The following EIF2AK4 variants were observed in gnomAD, a reference collection of about 807,000 sequenced individuals.
EIF2AK4 encodes the protein eIF-2-alpha kinase GCN2.
A neutral mutation model predicts 211.1 loss-of-function variants in EIF2AK4; 139 were observed. The observed-to-expected ratio is 0.66, with a 90% CI of 0.57 to 0.76. The LOEUF (loss-of-function observed/expected upper bound fraction) is 0.76. Among genes scored for constraint, EIF2AK4 ranks in the 30% least tolerant of loss-of-function variants. EIF2AK4 has a pLI of 0.00. For missense variants in EIF2AK4, 1,664 were observed against 2,043.8 expected, an observed-to-expected ratio of 0.81 and a Z score of 3.58; for synonymous variants, 710 against 751.3, an observed-to-expected ratio of 0.94 and a Z score of 0.90.
In EIF2AK4 at chr15:40,008,189, A is replaced by T. The variant is rs781645754; in HGVS notation, c.3570A>T (p.Ala1190=). 3 of 1,596,250 alleles carry T rather than the reference A, an allele frequency of 1.9e-6. No homozygotes were observed. The highest frequency in any genetic ancestry group is 2.3e-5 in the South Asian group (2 of 87,196). ...ATGAAATCATCCAAGAGTTTCCAGC[A>T]CTTCAGGTTCCTTTCCATATTTTAA... is the stretch of plus-strand genomic sequence containing the variant. ...TIYEIIQEFP[A]LQERNYSIYL... is the part of the protein sequence containing the mutation. The change falls in exon 25 of 39, where the codon GCA becomes GCT. Residue 1190 remains alanine (A), a synonymous_variant. Transcript: ENST00000263791.
intron 3 of EIF2AK4, among the ~76,000 whole-genome samples, chr15:39,944,592 C>A (rs1057331591): frequency 6.6e-6 from 1 of 152,044 alleles, no homozygotes; most frequent in African/African-American, 2.4e-5. Context: ...CCACCATGCC[C>A]GGCTAATTTT....
intron 17 of EIF2AK4, 134 bp from the exon 18 acceptor site, chr15:39,992,635 G>A (rs1390926817): frequency 2.8e-6 from 2 of 713,922 alleles, no homozygotes; most frequent in Non-Finnish European, 2.5e-6. Flanking sequence ...TACAATGCAT[G>A]CTCTGCTTCC....
chr15:39,990,913 G>A (rs546458611), intron 16 of EIF2AK4, among the ~76,000 whole-genome samples: 2 of 152,222 alleles, frequency 1.3e-5, no homozygotes, highest in African/African-American at 2.4e-5. Context: ...CAGAGGCCCC[G>A]GGGTAAGCAG....
chr15:39,985,779 G>C (rs761253474), intron 13 of EIF2AK4, 26 bp from the exon 14 acceptor site: 1 of 1,613,110 alleles, frequency 6.2e-7, no homozygotes, highest in Non-Finnish European at 8.5e-7. Context: ...TCCATTTTGA[G>C]TTATTGTGTG....
chr15:40,022,681 C>T lies in EIF2AK4; in HGVS notation c.4389+76C>T, dbSNP rs190548794. 3.9e-3 allele frequency: 5,144 copies of T among 1,332,038 alleles called. 18 individuals are homozygous for T. Among genetic ancestry groups the T allele is most frequent in the Non-Finnish European group, 5.0e-3 (4,663 of 932,196 alleles). 82.5% of individuals were successfully genotyped at this position (1,332,038 alleles called of 1,614,324 possible). A position where few individuals can be genotyped will look rare whatever the true frequency, so the allele number is the denominator to read the frequency against. ...GAGCACCTGCCTTCACACTGAGGCC[C>T]GGGCCGTGTAGGTGACTGGAAATCC... On this transcript the variant is annotated intron_variant, in intron 32 of 38. Transcript: ENST00000263791.
intron 32 of EIF2AK4, among the ~76,000 whole-genome samples, chr15:40,023,547 C>A (rs2035422987): frequency 6.6e-6 from 1 of 152,176 alleles, no homozygotes; most frequent in Non-Finnish European, 1.5e-5. Context: ...TTTCCCGGAA[C>A]TTTTCCATTT....
chr15:39,960,005 T>C (rs1181085237), intron 6 of EIF2AK4, among the ~76,000 whole-genome samples: 1 of 151,534 alleles, frequency 6.6e-6, no homozygotes, highest in African/African-American at 2.4e-5. Flanking sequence ...CTACTAAAAA[T>C]ACAAAAAAAT....
intron 1 of EIF2AK4, among the ~76,000 whole-genome samples, chr15:39,936,183 A>G (rs540600481): frequency 1.3e-5 from 2 of 152,356 alleles, no homozygotes; most frequent in African/African-American, 4.8e-5. Context: ...GGCTTTCATA[A>G]CAAGATGGAA....
At chr15:39,934,415 C>T (rs989353114) in intron 1 of EIF2AK4, 76 bp downstream of exon 1, 17 of 1,501,394 alleles carry the variant, frequency 1.1e-5, no homozygotes, top group Non-Finnish European at 1.5e-5. Flanking sequence ...CCGGACACTT[C>T]CAGATTGGGC....
intron 4 of EIF2AK4, among the ~76,000 whole-genome samples, chr15:39,949,619 A>G (rs1399772463): frequency 6.6e-6 from 1 of 152,232 alleles, no homozygotes; most frequent in African/African-American, 2.4e-5. Context: ...TCATGCCCAA[A>G]TGAGTAGCAA....
Position 39,934,213 on chromosome 15 carries a change from G to A in EIF2AK4, c.18G>A (p.Gly6=). ...GCGCTGCCATGGCTGGGGGCCGTGGGGCCCCCGGGCGCGGCCGGGACGAGC... is the reference window on the plus strand; with the variant it reads ...GCGCTGCCATGGCTGGGGGCCGTGGAGCCCCCGGGCGCGGCCGGGACGAGC... The part of the protein sequence containing the change: MAGGR[G]APGRGRDEPP... Residue 6 remains glycine (G), a synonymous_variant, in exon 1 of 39, where the codon GGG becomes GGA. Coordinates refer to ENST00000263791, the MANE Select transcript of EIF2AK4 (RefSeq NM_001013703.4). 2.5e-6 allele frequency: 4 copies of A among 1,580,796 alleles called. No homozygotes were observed. Among genetic ancestry groups the A allele is most frequent in the Non-Finnish European group, 3.4e-6 (4 of 1,164,896 alleles).
In EIF2AK4 at chr15:39,964,203, C is replaced by G. The variant is rs1595550738; in HGVS notation, c.860-1483C>G. On this transcript the variant is annotated intron_variant, in intron 7 of 38. Transcript: ENST00000263791. ...AGTGAGCTAGTTCAGCCATATTTTT[C>G]CAAAGTATTTTTGCTGAGACATCTT... 2.0e-5 allele frequency among the ~76,000 whole-genome samples: 3 copies of G among 152,230 alleles called. 1 individual carries two copies. In the South Asian group the frequency reaches 6.2e-4, roughly 32 times the overall value.
rs774146652 is a variant in EIF2AK4 at position 39,961,837 on chromosome 15, A to G, written c.797A>G (p.Glu266Gly). 3 of 1,614,180 alleles carry G rather than the reference A, an allele frequency of 1.9e-6. 1 individual carries two copies. The South Asian group carries it at 3.3e-5, about 18-fold the overall frequency. The change falls in exon 7 of 39, where the codon GAA becomes GGA. Residue 266 changes from glutamate (E) to glycine (G), a missense_variant. Physicochemically the swap from Glu to Gly is moderately conservative, Grantham distance 98. This residue lies in a region of EIF2AK4 where 641 missense variants were observed against 729.6 expected (regional missense o/e 0.88). Coordinates refer to ENST00000263791, the MANE Select transcript of EIF2AK4 (RefSeq NM_001013703.4). ...AGTGAAGATTCTCCTGGCTCTTGTG[A>G]AATTCTGTATTTCAATATGGGGAGT... is the stretch of plus-strand genomic sequence containing the variant. Reference protein sequence around the residue: ...CNSEDSPGSCEILYFNMGSPD... With the variant: ...CNSEDSPGSCGILYFNMGSPD...
chr15:39,963,229 G>A (rs4923846), intron 7 of EIF2AK4, among the ~76,000 whole-genome samples: 12,917 of 152,272 alleles, frequency 0.085, 734 homozygotes, highest in Middle Eastern at 0.23. Context: ...GGTAGTGGTG[G>A]TTGGCTTTAG....
chr15:40,034,384 C>CAAAG lies in EIF2AK4; in HGVS notation c.4833_4836dup (p.Gln1613LysfsTer10), dbSNP rs768394773. ...GTGAAGCAGCTGCTGTCACGCCTGCCAAAGCAAAGATACCTCAAATTAGTC... is the reference window on the plus strand; with the variant it reads ...GTGAAGCAGCTGCTGTCACGCCTGCCAAAGAAAGCAAAGATACCTCAAATTAGTC... On this transcript the variant is annotated frameshift_variant, in exon 38 of 39. Coordinates refer to ENST00000263791, the MANE Select transcript of EIF2AK4 (RefSeq NM_001013703.4). LOFTEE classifies it high-confidence loss of function. 6 of 1,613,762 alleles carry CAAAG rather than the reference C, an allele frequency of 3.7e-6. No homozygotes were observed. In the East Asian group the frequency reaches 1.3e-4, roughly 36 times the overall value.
chr15:39,962,758 G>A (rs542634612), intron 7 of EIF2AK4, among the ~76,000 whole-genome samples: 6 of 152,268 alleles, frequency 3.9e-5, no homozygotes, highest in Admixed American at 2.0e-4. Flanking sequence ...GCTGTTTGGC[G>A]TGAAGCTGGT....
At chr15:39,992,983 C>T in intron 18 of EIF2AK4, 135 bp downstream of exon 18, 1 of 801,362 alleles carries the variant, frequency 1.2e-6, no homozygotes, top group African/African-American at 1.7e-5. Flanking sequence ...ACTCATGGTC[C>T]TAAGGATAGT....
intron 27 of EIF2AK4, among the ~76,000 whole-genome samples, chr15:40,015,256 T>C (rs980500758): frequency 6.6e-6 from 1 of 152,230 alleles, no homozygotes; most frequent in East Asian, 1.9e-4. Flanking sequence ...ACCAATTTAC[T>C]GTATTAGTTT....
chr15:40,019,506 C>T (rs2035354945), intron 30 of EIF2AK4, among the ~76,000 whole-genome samples: 1 of 152,146 alleles, frequency 6.6e-6, no homozygotes, highest in Non-Finnish European at 1.5e-5. Flanking sequence ...GAGCAGTGGG[C>T]AAGCAAGCAT....
Sources: gnomAD v4.1 joint callset for allele counts (sites outside exome capture counted in the v4.1 genomes callset) on GRCh38, gnomAD v4.1.1 for gene constraint, gnomAD v4.1.1 regional missense constraint, MANE v1.5 for transcripts, NCBI Gene and HGNC (gene_info 2026-07-23, HGNC 2026-07-21) for gene names.